ZYG11B: variants seen among roughly 807,000 people sequenced by gnomAD.
The protein encoded by ZYG11B is protein zyg-11 homolog B.
ZYG11B carries 36 observed loss-of-function variants against 82.4 expected under a neutral mutation model. The observed-to-expected ratio is 0.44, with a 90% CI of 0.33 to 0.58. The LOEUF (loss-of-function observed/expected upper bound fraction) is 0.58, where lower values mean the gene tolerates loss of function less well. Ranked by LOEUF, ZYG11B falls within the 20% of genes least tolerant of loss-of-function variation. ZYG11B has a pLI of 0.02. For synonymous variants in ZYG11B, 303 were observed against 312.8 expected, an observed-to-expected ratio of 0.97 and a Z score of 0.33; for missense variants, 552 against 895.6, an observed-to-expected ratio of 0.62 and a Z score of 4.90.
At chr1:52,798,672 A>G (rs1645048812) in intron 8 of ZYG11B, among the ~76,000 whole-genome samples, 1 of 152,152 alleles carries the variant, frequency 6.6e-6, no homozygotes, top group Admixed American at 6.6e-5. Flanking sequence ...TATATAGAAA[A>G]TGTAGAGACT....
chr1:52,765,774 A>AT (rs1644678011), intron 2 of ZYG11B, among the ~76,000 whole-genome samples: 1 of 152,048 alleles, frequency 6.6e-6, no homozygotes, highest in African/African-American at 2.4e-5. Flanking sequence ...AAGTACTGGG[A>AT]TTATAAGCAT....
intron 5 of ZYG11B, among the ~76,000 whole-genome samples, chr1:52,787,068 C>G (rs1246444115): frequency 6.8e-6 from 1 of 147,412 alleles, no homozygotes; most frequent in African/African-American, 2.5e-5. Flanking sequence ...CCAGCTTGGG[C>G]AACAAGAGCG....
At chr1:52,809,574 A>T (rs1208459409) in intron 10 of ZYG11B, among the ~76,000 whole-genome samples, 1 of 152,192 alleles carries the variant, frequency 6.6e-6, no homozygotes, top group Non-Finnish European at 1.5e-5. Flanking sequence ...TTCTATTTTT[A>T]AATTTTGAGA....
In ZYG11B at chr1:52,785,028, T is replaced by G; in HGVS notation, c.1244T>G (p.Met415Arg). The G allele has an allele frequency of 6.2e-7, 1 of 1,613,014 alleles. No homozygotes were observed. Among genetic ancestry groups the G allele is most frequent in the Admixed American group, 1.7e-5 (1 of 59,312 alleles). The change falls in exon 5 of 14, where the codon ATG becomes AGG. Residue 415 changes from methionine (M) to arginine (R), a missense_variant. By Grantham distance (91) the Met-to-Arg change is moderately conservative. Transcript: ENST00000294353. ...ADVTHLLLKA[M>R]EHFPNHQQLQ... Reference sequence around the variant, plus strand: ...GTGACCCATTTGCTGCTCAAAGCCATGGAACATTTTCCCAATCACCAGCAG... The same window carrying G: ...GTGACCCATTTGCTGCTCAAAGCCAGGGAACATTTTCCCAATCACCAGCAG...
intron 10 of ZYG11B, among the ~76,000 whole-genome samples, chr1:52,803,541 G>A (rs919149654): frequency 2.0e-5 from 3 of 150,436 alleles, no homozygotes; most frequent in Non-Finnish European, 3.0e-5. Flanking sequence ...AATATAATAC[G>A]CATATGCTTC....
chr1:52,747,821 T>G (rs977865503), intron 1 of ZYG11B, among the ~76,000 whole-genome samples: 4 of 152,180 alleles, frequency 2.6e-5, no homozygotes, highest in African/African-American at 9.6e-5. Context: ...GTCAGATTGC[T>G]TGGGGTCTAA....
intron 10 of ZYG11B, among the ~76,000 whole-genome samples, chr1:52,811,646 T>A (rs1418585598): frequency 1.3e-5 from 2 of 152,198 alleles, no homozygotes; most frequent in African/African-American, 4.8e-5. Flanking sequence ...ACTGATTGTT[T>A]TTCCGGAAGC....
intron 8 of ZYG11B, among the ~76,000 whole-genome samples, chr1:52,799,824 T>C (rs183901649): frequency 1.3e-5 from 2 of 151,660 alleles, no homozygotes; most frequent in South Asian, 2.1e-4. Context: ...AAAAAAGTAA[T>C]GTTATAAAGA....
chr1:52,760,713 C>T (rs1281274328), intron 2 of ZYG11B, among the ~76,000 whole-genome samples: 1 of 150,372 alleles, frequency 6.7e-6, no homozygotes, highest in Non-Finnish European at 1.5e-5. Flanking sequence ...CTGCCTCAGG[C>T]TTCCAAAGTA....
rs1432893448 is a variant in ZYG11B, at chr1:52,821,288, GTTAT to G, written c.2045-146_2045-143del. 7.9e-5 allele frequency: 54 copies of G among 687,812 alleles called. 1 individual carries two copies. In the East Asian group the frequency reaches 1.4e-3, roughly 17 times the overall value. The allele number at this position is 687,812 out of a possible 1,614,324, so 42.6% of individuals were successfully genotyped here. On this transcript the variant is annotated intron_variant, in intron 13 of 13. Coordinates refer to ENST00000294353, the MANE Select transcript of ZYG11B (RefSeq NM_024646.3). ...CTGTAGACGTAACATCAGTATAGAGGTTATTTATCAAGCTGTAGCATGTTAGTGA... is the reference window on the plus strand; with the variant it reads ...CTGTAGACGTAACATCAGTATAGAGGTTATCAAGCTGTAGCATGTTAGTGA...
chr1:52,789,237 C>A (rs1644936368), intron 5 of ZYG11B, among the ~76,000 whole-genome samples: 1 of 152,090 alleles, frequency 6.6e-6, no homozygotes, highest in Non-Finnish European at 1.5e-5. Flanking sequence ...TCTTGACTAG[C>A]TGTATATATC....
At chr1:52,814,283 A>C (rs1475633505) in intron 12 of ZYG11B, among the ~76,000 whole-genome samples, 1 of 152,174 alleles carries the variant, frequency 6.6e-6, no homozygotes, top group East Asian at 1.9e-4. Context: ...GGCCCCCCTA[A>C]GTGCTGGGAT....
chr1:52,767,193 T>TTTATTTTATTTTGTTATTTTATG (rs933869911), intron 2 of ZYG11B, among the ~76,000 whole-genome samples: 3 of 151,452 alleles, frequency 2.0e-5, no homozygotes, highest in African/African-American at 4.8e-5. Flanking sequence ...GTTATGTTAT[T>TTTATTTTATTTTGTTATTTTATG]TTATTTTATT....
intron 4 of ZYG11B, among the ~76,000 whole-genome samples, chr1:52,783,997 T>TATATAGAGAG (rs543071878): frequency 0.014 from 1,948 of 142,394 alleles, 40 homozygotes; most frequent in African/African-American, 0.05. Flanking sequence ...TATATATATA[T>TATATAGAGAG]AGAGAGAGAG....
chr1:52,770,915 G>A (rs376016653), intron 2 of ZYG11B, 105 bp from the exon 3 acceptor site: 30 of 1,210,090 alleles, frequency 2.5e-5, no homozygotes, highest in East Asian at 4.7e-5. Context: ...ATTATCAGAC[G>A]AGATACTGTT....
intron 12 of ZYG11B, among the ~76,000 whole-genome samples, chr1:52,814,725 A>T (rs1645209941): frequency 6.6e-6 from 1 of 152,078 alleles, no homozygotes; most frequent in Non-Finnish European, 1.5e-5. Context: ...ACACACACAC[A>T]CACACACCTT....
chr1:52,767,001 C>A (rs1409065776), intron 2 of ZYG11B, among the ~76,000 whole-genome samples: 4 of 119,422 alleles, frequency 3.3e-5, no homozygotes, highest in Non-Finnish European at 6.8e-5. Context: ...AGCGAGACTC[C>A]GTCTCAAAAA....
chr1:52,780,493 A>G (rs538637316), intron 4 of ZYG11B, among the ~76,000 whole-genome samples: 40 of 152,326 alleles, frequency 2.6e-4, no homozygotes, highest in African/African-American at 8.4e-4. Context: ...TACAAAAAGT[A>G]TTAAAAAAAT....
intron 3 of ZYG11B, among the ~76,000 whole-genome samples, chr1:52,774,238 C>T (rs951924582): frequency 2.0e-5 from 3 of 151,092 alleles, no homozygotes; most frequent in African/African-American, 4.9e-5. Context: ...CTCCTGGGCT[C>T]GAGTGGATCC....
Sources: gnomAD v4.1 joint callset for allele counts (sites outside exome capture counted in the v4.1 genomes callset) on GRCh38, gnomAD v4.1.1 for gene constraint, MANE v1.5 for transcripts, NCBI Gene and HGNC (gene_info 2026-07-23, HGNC 2026-07-21) for gene names.